Variants in KCNMA1 observed in about 807,000 individuals in gnomAD.
KCNMA1 encodes the protein potassium calcium-activated channel subfamily M alpha 1, also known as Calcium-activated potassium channel subunit alpha-1.
A neutral mutation model predicts 140.0 loss-of-function variants in KCNMA1; 29 were observed. That is an observed-to-expected ratio of 0.21 (90% CI 0.15 to 0.28). KCNMA1 has a LOEUF of 0.28. Ranked by LOEUF, KCNMA1 falls within the 10% of genes least tolerant of loss-of-function variation. The pLI is 1.00. For synonymous variants in KCNMA1, 612 were observed against 611.9 expected, an observed-to-expected ratio of 1.00 and a Z score of 0.00; for missense variants, 880 against 1,602.2, an observed-to-expected ratio of 0.55 and a Z score of 7.70.
At chr10:77,327,579 T>C (rs2084684057) in intron 2 of KCNMA1, among the ~76,000 whole-genome samples, 1 of 152,136 alleles carries the variant, frequency 6.6e-6, no homozygotes, top group South Asian at 2.1e-4. Context: ...GGTCTCGAAC[T>C]CTTGACCTCA....
intron 19 of KCNMA1, among the ~76,000 whole-genome samples, chr10:76,988,259 T>G (rs2081829046): frequency 1.3e-5 from 2 of 152,296 alleles, no homozygotes; most frequent in South Asian, 2.1e-4. Context: ...AGTCTTGGCC[T>G]TGCTCCAAGC....
chr10:77,375,624 C>T (rs139773439), intron 2 of KCNMA1, among the ~76,000 whole-genome samples: 17 of 152,332 alleles, frequency 1.1e-4, no homozygotes, highest in African/African-American at 3.8e-4. Context: ...AACACAGTGC[C>T]TCAGCCATTG....
At chr10:77,156,033 C>T (rs1222020238) in intron 5 of KCNMA1, among the ~76,000 whole-genome samples, 1 of 152,026 alleles carries the variant, frequency 6.6e-6, no homozygotes, top group South Asian at 2.1e-4. Flanking sequence ...CGAGACCATC[C>T]TGGCTAACAG....
intron 14 of KCNMA1, among the ~76,000 whole-genome samples, chr10:77,044,981 C>T (rs2094955317): frequency 1.3e-5 from 2 of 152,122 alleles, no homozygotes; most frequent in Non-Finnish European, 2.9e-5. Context: ...ACTCAAAAGC[C>T]CAAACTCTGT....
rs184884118 is a variant in KCNMA1 at position 77,415,718 on chromosome 10, A to G, written c.379-11695T>C. ...GCCCCCAAGGAGCCTCACTCTCCTC[A>G]GCAAAGGCTCCTGCAGGTAGCTCAC... On this transcript the variant is annotated intron_variant, in intron 1 of 27. Transcript: ENST00000286628. 1.4e-3 allele frequency among the ~76,000 whole-genome samples: 215 copies of G among 152,348 alleles called. 1 individual carries two copies. Among genetic ancestry groups the G allele is most frequent in the African/African-American group, 4.8e-3 (200 of 41,590 alleles).
At chr10:76,934,571 T>C (rs1454970450) in intron 23 of KCNMA1, among the ~76,000 whole-genome samples, 1 of 152,230 alleles carries the variant, frequency 6.6e-6, no homozygotes, top group African/African-American at 2.4e-5. Flanking sequence ...ACTTATTTTA[T>C]GTTTCTGTCC....
chr10:77,382,458 C>T (rs1020137737), intron 2 of KCNMA1, among the ~76,000 whole-genome samples: 13 of 152,198 alleles, frequency 8.5e-5, no homozygotes, highest in Non-Finnish European at 1.3e-4. Context: ...ATCAGCATCG[C>T]TGTCCAGAAG....
chr10:77,617,163 A>C (rs1247858571), intron 1 of KCNMA1, among the ~76,000 whole-genome samples: 2 of 152,214 alleles, frequency 1.3e-5, no homozygotes, highest in Non-Finnish European at 2.9e-5. Context: ...GAGACATAAA[A>C]TTGGACATGG....
At chr10:77,217,639 A>AGT (rs2048236474) in intron 3 of KCNMA1, 1 of 420,602 alleles carries the variant, frequency 2.4e-6, no homozygotes, top group African/African-American at 2.0e-5. Context: ...GGAGAAAAAA[A>AGT]GTGGTATGAA....
At chr10:77,389,801 GA>G (rs1319044337) in intron 2 of KCNMA1, among the ~76,000 whole-genome samples, 1 of 152,128 alleles carries the variant, frequency 6.6e-6, no homozygotes, top group African/African-American at 2.4e-5. Context: ...TTCTTCTCTA[GA>G]AAGGAGCAAA....
intron 1 of KCNMA1, among the ~76,000 whole-genome samples, chr10:77,592,858 G>A (rs1056804374): frequency 9.9e-5 from 15 of 152,246 alleles, no homozygotes; most frequent in African/African-American, 2.6e-4. Flanking sequence ...AGTGTGCCCC[G>A]GCAGCCTGAG....
At chr10:77,369,675 G>A (rs564530487) in intron 2 of KCNMA1, among the ~76,000 whole-genome samples, 1 of 152,136 alleles carries the variant, frequency 6.6e-6, no homozygotes, top group East Asian at 1.9e-4. Flanking sequence ...CCAGGAGCTA[G>A]AACAACATTC....
chr10:77,547,185 T>C (rs1321850780), intron 1 of KCNMA1, among the ~76,000 whole-genome samples: 1 of 152,152 alleles, frequency 6.6e-6, no homozygotes, highest in Non-Finnish European at 1.5e-5. Flanking sequence ...CATTAAAACC[T>C]TCCTGTGCAA....
At chr10:77,217,580 A>T in intron 3 of KCNMA1, 1 of 456,308 alleles carries the variant, frequency 2.2e-6, no homozygotes, top group South Asian at 1.6e-5. Flanking sequence ...AAACATGGAG[A>T]TACTTACAGA....
intron 5 of KCNMA1, among the ~76,000 whole-genome samples, chr10:77,128,662 A>T (rs1384202010): frequency 6.6e-6 from 1 of 152,196 alleles, no homozygotes; most frequent in Non-Finnish European, 1.5e-5. Flanking sequence ...TATAGTAAAT[A>T]TTAATAAATA....
chr10:77,096,689 CAGAGT>C, intron 9 of KCNMA1, among the ~76,000 whole-genome samples: 1 of 152,158 alleles, frequency 6.6e-6, no homozygotes. Context: ...ATAAATCAGA[CAGAGT>C]AAATTGAAAA....
At chr10:77,074,713 A>T (rs925431661) in intron 13 of KCNMA1, among the ~76,000 whole-genome samples, 2 of 152,214 alleles carry the variant, frequency 1.3e-5, no homozygotes, top group Non-Finnish European at 2.9e-5. Flanking sequence ...AGGTTACCTT[A>T]AAAAATGAAA....
intron 2 of KCNMA1, among the ~76,000 whole-genome samples, chr10:77,275,007 C>T (rs756391002): frequency 6.6e-6 from 1 of 152,202 alleles, no homozygotes; most frequent in Non-Finnish European, 1.5e-5. Context: ...ACACAGCCAT[C>T]ACTCATAAAG....
intron 20 of KCNMA1, among the ~76,000 whole-genome samples, chr10:76,968,194 T>C (rs2074702745): frequency 1.3e-5 from 2 of 152,140 alleles, no homozygotes; most frequent in Admixed American, 1.3e-4. Context: ...GGAAAGGCAT[T>C]TGTGTAGAAG....
Sources: gnomAD v4.1 joint callset for allele counts (sites outside exome capture counted in the v4.1 genomes callset) on GRCh38, gnomAD v4.1.1 for gene constraint, MANE v1.5 for transcripts, NCBI Gene and HGNC (gene_info 2026-07-23, HGNC 2026-07-21) for gene names.